Variants in CBARP observed in about 807,000 individuals in gnomAD.
CBARP encodes the protein CACN subunit beta associated regulatory protein, also known as voltage-dependent calcium channel beta subunit-associated regulatory protein.
In CBARP, 24 loss-of-function variants were observed where a neutral mutation model predicts 36.3. That is an observed-to-expected ratio of 0.66 (90% confidence interval 0.48 to 0.93). The LOEUF (loss-of-function observed/expected upper bound fraction) is 0.93. CBARP is among the 40% of genes least tolerant of loss of function. CBARP has a pLI of 0.00. For synonymous variants in CBARP, 586 were observed against 453.2 expected, an observed-to-expected ratio of 1.29 and a Z score of -3.72; for missense variants, 1,146 against 980.4, an observed-to-expected ratio of 1.17 and a Z score of -2.26.
chr19:1,230,730 A>C (rs2080878586), intron 9 of CBARP: 1 of 1,291,882 alleles, frequency 7.7e-7, no homozygotes. Flanking sequence ...TGGTCACAGC[A>C]GCTTCTGAGA....
upstream of CBARP, chr19:1,238,287 G>C (rs1208926979): frequency 6.6e-6 from 1 of 152,390 alleles, no homozygotes; most frequent in Admixed American, 6.5e-5. Context: ...CTCTCACGTT[G>C]CTTGGTCCGT....
At chr19:1,230,686 C>G in intron 9 of CBARP, 2 of 1,279,762 alleles carry the variant, frequency 1.6e-6, no homozygotes, top group South Asian at 2.8e-5. Context: ...GGGAAGTTGC[C>G]CTTGGGTTGG....
chr19:1,234,348 G>C lies in CBARP; in HGVS notation c.628-17C>G. 2 of 1,441,840 alleles carry C rather than the reference G, an allele frequency of 1.4e-6. No individual in the cohort carries two copies. Among genetic ancestry groups the C allele is most frequent in the Non-Finnish European group, 1.8e-6 (2 of 1,096,724 alleles). The allele number at this position is 1,441,840 out of a possible 1,614,324, so 89.3% of individuals were successfully genotyped here. A position where few individuals can be genotyped will look rare whatever the true frequency, so the allele number is the denominator to read the frequency against. ...CCCCGGGGGCTGTGGGACAGAGCCA[G>C]GTGGGGGAGGAAGCAGTGACAGGTC... On this transcript the variant is annotated splice_polypyrimidine_tract_variant and intron_variant, in intron 6 of 9. Transcript: ENST00000650044.
rs1385041202 is a variant in CBARP at position 1,230,029 on chromosome 19, C to T, written c.1268G>A (p.Arg423Gln). The T allele has an allele frequency of 3.3e-6, 4 of 1,226,494 alleles. No homozygotes were observed. The highest frequency in any genetic ancestry group is 2.9e-5 in the Admixed American group (1 of 34,076). The allele number at this position is 1,226,494 out of a possible 1,614,324, so 76.0% of individuals were successfully genotyped here. A position where few individuals can be genotyped will look rare whatever the true frequency, so the allele number is the denominator to read the frequency against. Residue 423 changes from arginine (R) to glutamine (Q), a missense_variant, in exon 10 of 10, where the codon CGG (arginine) becomes CAG (glutamine). By Grantham distance (43) the Arg-to-Gln change is conservative. Transcript: ENST00000650044. ...CTGGGCCTGCTCGGGGCCCGCGTCC[C>T]GCTCGGCGTCCGGCTCCAGTGGCGG... ...QQPPLEPDAE[R>Q]DAGPEQAQTS...
Position 1,231,228 on chromosome 19 carries a change from T to C in CBARP, c.1027A>G (p.Ser343Gly). ...GCATCCCCCTCCTCCTGCTCCGTGC[T>C]CTCACTGGCTGCCCGCTGCCGCTGG... is the stretch of plus-strand genomic sequence containing the variant. ...HFQRQRAASE[S>G]TEQEEGDAPQ... Residue 343 changes from serine (S) to glycine (G), a missense_variant, in exon 9 of 10, where the codon AGC becomes GGC. Ser to Gly is a moderately conservative substitution (Grantham distance 56). Transcript: ENST00000650044. 3 of 1,602,772 alleles carry C rather than the reference T, an allele frequency of 1.9e-6. No homozygotes were observed. Among genetic ancestry groups the C allele is most frequent in the Non-Finnish European group, 2.5e-6 (3 of 1,179,544 alleles).
At chr19:1,231,790 G>A (rs1367165050) in intron 8 of CBARP, among the ~76,000 whole-genome samples, 1 of 151,942 alleles carries the variant, frequency 6.6e-6, no homozygotes, top group Admixed American at 6.5e-5. Flanking sequence ...CTGGAGTACA[G>A]GTGAGAAAAC....
chr19:1,233,641 C>T lies in CBARP; in HGVS notation c.769-5G>A. On this transcript the variant is annotated splice_region_variant and splice_polypyrimidine_tract_variant and intron_variant, in intron 7 of 9. Coordinates refer to ENST00000650044, the MANE Select transcript of CBARP (RefSeq NM_001393918.1). Reference sequence around the variant, plus strand: ...GCTCCTGGTACCGGCATCCAACTGGCAGGGAACAGAGATGGCGCTCAGGCT... The same window carrying T: ...GCTCCTGGTACCGGCATCCAACTGGTAGGGAACAGAGATGGCGCTCAGGCT... 1.2e-6 allele frequency: 2 copies of T among 1,605,820 alleles called. No homozygotes were observed. Among genetic ancestry groups the T allele is most frequent in the Non-Finnish European group, 1.7e-6 (2 of 1,176,984 alleles).
intron 6 of CBARP, 103 bp downstream of exon 6, chr19:1,234,468 G>C: frequency 7.0e-7 from 1 of 1,431,140 alleles, no homozygotes. Context: ...ATCCCGAGAT[G>C]AGGGCCACCC....
chr19:1,231,262 C>T lies in CBARP; in HGVS notation c.993G>A (p.Arg331=), dbSNP rs780330992. ...ASLDTRGSPK[R]HHFQRQRAAS... ...CTGCCCGCTGCCGCTGGAAGTGGTGCCGCTTGGGGGAACCTGCGCACGGGA... is the reference window on the plus strand; with the variant it reads ...CTGCCCGCTGCCGCTGGAAGTGGTGTCGCTTGGGGGAACCTGCGCACGGGA... The change falls in exon 9 of 10, where the codon CGG becomes CGA. Residue 331 remains arginine (R), a synonymous_variant. Coordinates refer to ENST00000650044, the MANE Select transcript of CBARP (RefSeq NM_001393918.1). 124 of 1,600,838 alleles carry T rather than the reference C, an allele frequency of 7.7e-5. No individual in the cohort carries two copies. The highest frequency in any genetic ancestry group is 1.0e-4 in the Non-Finnish European group (120 of 1,179,512).
rs762038006 is a variant in CBARP, at chr19:1,234,746, C to A, written c.456-4G>T. ...GTCCCCCTCCGTCAGTGTGTACCTG[C>A]GACAGCATCTGGCCATCAGAGCCCG... On this transcript the variant is annotated splice_polypyrimidine_tract_variant and splice_region_variant and intron_variant, in intron 5 of 9. Transcript: ENST00000650044. 3.7e-6 allele frequency: 6 copies of A among 1,611,686 alleles called. No homozygotes were observed. The highest frequency in any genetic ancestry group is 4.2e-6 in the Non-Finnish European group (5 of 1,179,314).
At chr19:1,236,918 C>G (rs1290583173) in intron 1 of CBARP, among the ~76,000 whole-genome samples, 1 of 151,284 alleles carries the variant, frequency 6.6e-6, no homozygotes, top group Admixed American at 6.6e-5. Flanking sequence ...GCCTCCCCGC[C>G]GTGCCCAGCC....
chr19:1,233,349 C>T (rs2080918448), intron 8 of CBARP, 77 bp downstream of exon 8: 3 of 1,395,748 alleles, frequency 2.1e-6, no homozygotes, highest in African/African-American at 1.4e-5. Flanking sequence ...CCTCCTGCTC[C>T]TGGATGTCCA....
intron 9 of CBARP, chr19:1,230,863 G>C: frequency 6.7e-7 from 1 of 1,497,662 alleles, no homozygotes; most frequent in Non-Finnish European, 8.9e-7. Flanking sequence ...ATCCTCGGGG[G>C]GCCCCTCCTC....
At chr19:1,236,505 C>T (rs2080975642) in intron 1 of CBARP, among the ~76,000 whole-genome samples, 1 of 152,144 alleles carries the variant, frequency 6.6e-6, no homozygotes, top group African/African-American at 2.4e-5. Context: ...TCGAGAAGGA[C>T]TCCAGACGCC....
intron 9 of CBARP, chr19:1,230,700 A>C: frequency 7.9e-7 from 1 of 1,271,998 alleles, no homozygotes; most frequent in Non-Finnish European, 9.9e-7. Context: ...GGGTTGGGGG[A>C]GGGGTGCTGC....
chr19:1,234,776 C>A (rs756865061), intron 5 of CBARP, 34 bp from the exon 6 acceptor site: 17 of 1,593,800 alleles, frequency 1.1e-5, no homozygotes, highest in East Asian at 6.8e-5. Context: ...AGCCCGCCCA[C>A]CTCCCATGCC....
In CBARP at chr19:1,228,561, G is replaced by A. The variant is rs1176443065; in HGVS notation, c.*618C>T. 2 of 173,666 alleles carry A rather than the reference G, an allele frequency of 1.2e-5. No homozygotes were observed. Among genetic ancestry groups the A allele is most frequent in the Non-Finnish European group, 2.5e-5 (2 of 80,586 alleles). 10.8% of individuals were successfully genotyped at this position (173,666 alleles called of 1,614,324 possible). A position where few individuals can be genotyped will look rare whatever the true frequency, so the allele number is the denominator to read the frequency against. The stretch of plus-strand genomic sequence containing the variant: ...CGGGGCCGGCTCCCTCAGGGCCGGC[G>A]GCAGCAGCGGTGGCGGCGCGGTTAT... On this transcript the variant is annotated 3_prime_UTR_variant, in exon 10 of 10. Coordinates refer to ENST00000650044, the MANE Select transcript of CBARP (RefSeq NM_001393918.1).
At chr19:1,237,671 C>T (rs1378589857) in intron 1 of CBARP, 85 bp downstream of exon 1, 2 of 151,980 alleles carry the variant, frequency 1.3e-5, no homozygotes, top group East Asian at 3.9e-4. Context: ...CCGCGCCCTC[C>T]CTCCGGCCGC....
In CBARP at chr19:1,236,658, G is replaced by C. The variant is rs1442896354; in HGVS notation, c.-21-537C>G. On this transcript the variant is annotated intron_variant, in intron 1 of 9. Transcript: ENST00000650044. Reference sequence around the variant, plus strand: ...CAGGGAGGGTGCAGGGGCTGGGCGCGTGCTCCCGGGTCACGACTCCGGGAG... The same window carrying C: ...CAGGGAGGGTGCAGGGGCTGGGCGCCTGCTCCCGGGTCACGACTCCGGGAG... Among the ~76,000 whole-genome samples the C allele has an allele frequency of 3.3e-5, 5 of 152,120 alleles. No individual in the cohort carries two copies. The East Asian group carries it at 9.7e-4, about 29-fold the overall frequency.
Sources: allele counts gnomAD v4.1 joint callset (sites outside exome capture counted in the v4.1 genomes callset), GRCh38; gene constraint gnomAD v4.1.1; transcripts MANE v1.5; gene names NCBI Gene and HGNC (gene_info 2026-07-23, HGNC 2026-07-21).